Variants in MYO1E observed in about 807,000 individuals in gnomAD.
MYO1E encodes the protein myosin IE, also known as unconventional myosin-Ie.
MYO1E carries 68 observed loss-of-function variants against 151.1 expected under a neutral mutation model. The ratio of observed to expected loss-of-function variants is 0.45; its 90% CI spans 0.37 to 0.55. The LOEUF is 0.55. Among genes scored for constraint, MYO1E ranks in the 20% least tolerant of loss-of-function variants. MYO1E has a pLI of 0.00. For synonymous variants in MYO1E, 601 were observed against 501.7 expected, an observed-to-expected ratio of 1.20 and a Z score of -2.64; for missense variants, 1,363 against 1,389.3, an observed-to-expected ratio of 0.98 and a Z score of 0.30.
At chr15:59,259,836 C>T (rs2080214983) in intron 3 of MYO1E, among the ~76,000 whole-genome samples, 1 of 152,190 alleles carries the variant, frequency 6.6e-6, no homozygotes, top group Non-Finnish European at 1.5e-5. Flanking sequence ...TCTTCCCTCC[C>T]CTGAGACTCT....
chr15:59,326,431 G>A (rs1055378699), intron 1 of MYO1E, among the ~76,000 whole-genome samples: 8 of 152,158 alleles, frequency 5.3e-5, no homozygotes, highest in South Asian at 2.1e-4. Flanking sequence ...GCTGAGGCAC[G>A]GGAATTGCTT....
chr15:59,248,405 G>A (rs1472071571), intron 4 of MYO1E, among the ~76,000 whole-genome samples: 6 of 141,026 alleles, frequency 4.3e-5, no homozygotes, highest in Non-Finnish European at 7.6e-5. Context: ...AGAATCGCTT[G>A]AACCCGGGGG....
Position 59,159,434 on chromosome 15 carries a change from G to A in MYO1E, c.2786-1055C>T, listed in dbSNP as rs1482391030. ...CCAGGCCTCTGCCTTCCAGTGGGGT[G>A]AGGCCTATAGGCCAGGCCAACAGGA... On this transcript the variant is annotated intron_variant, in intron 24 of 27. Transcript: ENST00000288235. The surrounding 1 kb of genome is among the most constrained non-coding windows in gnomAD (Gnocchi z 4.4). Among the ~76,000 whole-genome samples the A allele has an allele frequency of 1.3e-5, 2 of 152,230 alleles. No homozygotes were observed. Among genetic ancestry groups the A allele is most frequent in the Non-Finnish European group, 2.9e-5 (2 of 68,040 alleles).
At chr15:59,259,885 CA>C (rs2080215387) in intron 3 of MYO1E, among the ~76,000 whole-genome samples, 3 of 152,142 alleles carry the variant, frequency 2.0e-5, no homozygotes, top group African/African-American at 7.2e-5. Context: ...CTAGCTCCAT[CA>C]CTCAGTAGAT....
intron 25 of MYO1E, among the ~76,000 whole-genome samples, chr15:59,157,592 A>C (rs560207524): frequency 9.5e-4 from 140 of 147,456 alleles, no homozygotes; most frequent in Non-Finnish European, 1.7e-3. Flanking sequence ...GTGCTACCCC[A>C]TCATCAGTCA....
At chr15:59,195,615 G>A in intron 16 of MYO1E, 48 bp from the exon 17 acceptor site, 1 of 1,509,220 alleles carries the variant, frequency 6.6e-7, no homozygotes, top group African/African-American at 1.4e-5. Context: ...CTCTAAAGAA[G>A]ACCAAATTTC....
At chr15:59,250,017 G>C (rs2080154716) in intron 4 of MYO1E, among the ~76,000 whole-genome samples, 1 of 152,010 alleles carries the variant, frequency 6.6e-6, no homozygotes, top group East Asian at 1.9e-4. Context: ...CCCAGGGTCA[G>C]GTGAGCATGA....
intron 4 of MYO1E, among the ~76,000 whole-genome samples, chr15:59,255,544 G>A (rs752807762): frequency 3.3e-5 from 5 of 152,002 alleles, no homozygotes; most frequent in Non-Finnish European, 5.9e-5. Flanking sequence ...AGAGGCGTGC[G>A]CCACCATGCC....
At chr15:59,352,765 C>A (rs979559887) in intron 1 of MYO1E, among the ~76,000 whole-genome samples, 1 of 152,124 alleles carries the variant, frequency 6.6e-6, no homozygotes, top group Admixed American at 6.5e-5. Flanking sequence ...GTTAAATTCA[C>A]GGAAGCATAC....
intron 2 of MYO1E, among the ~76,000 whole-genome samples, chr15:59,270,559 A>G (rs72746854): frequency 0.16 from 23,412 of 149,716 alleles, 2,247 homozygotes; most frequent in East Asian, 0.45. Context: ...AAAAAAAAAA[A>G]GAAAAGAAAA....
At chr15:59,314,717 C>T (rs1449574466) in intron 1 of MYO1E, among the ~76,000 whole-genome samples, 2 of 152,032 alleles carry the variant, frequency 1.3e-5, no homozygotes, top group Admixed American at 6.6e-5. Flanking sequence ...CTACTGGTAT[C>T]TAGTGAGTGG....
chr15:59,339,657 T>C (rs1211097577), intron 1 of MYO1E, among the ~76,000 whole-genome samples: 2 of 152,134 alleles, frequency 1.3e-5, no homozygotes, highest in Admixed American at 6.5e-5. Flanking sequence ...CTCGTTCCTA[T>C]AGTCAACTTC....
chr15:59,336,008 TC>T (rs1278969346), intron 1 of MYO1E, among the ~76,000 whole-genome samples: 1 of 141,384 alleles, frequency 7.1e-6, no homozygotes, highest in Non-Finnish European at 1.5e-5. Flanking sequence ...CTACCCCCTC[TC>T]CCACTACACC....
At chr15:59,259,335 G>A (rs114688986) in intron 3 of MYO1E, among the ~76,000 whole-genome samples, 1,579 of 152,266 alleles carry the variant, frequency 0.01, 28 homozygotes, top group African/African-American at 0.036. Context: ...TTAAAGTTTC[G>A]ATTATGTCAC....
rs781308525 is a variant in MYO1E at position 59,350,146 on chromosome 15, T to A, written c.3+22352A>T. On this transcript the variant is annotated intron_variant, in intron 1 of 27. Coordinates refer to ENST00000288235, the MANE Select transcript of MYO1E (RefSeq NM_004998.4). The surrounding 1 kb of genome is among the most constrained non-coding windows in gnomAD (Gnocchi z 5.0). ...ATGGAAGCTATTCTTACTTCATTTT[T>A]TAACAAATGAAACTGAAGTACAGTT... Among the ~76,000 whole-genome samples, 3 of 152,264 alleles carry A rather than the reference T, an allele frequency of 2.0e-5. No individual in the cohort carries two copies. The highest frequency in any genetic ancestry group is 4.4e-5 in the Non-Finnish European group (3 of 68,044).
intron 1 of MYO1E, among the ~76,000 whole-genome samples, chr15:59,312,518 T>C (rs1273008155): frequency 6.6e-6 from 1 of 152,128 alleles, no homozygotes; most frequent in Non-Finnish European, 1.5e-5. Context: ...TCTTTGTTTT[T>C]TAAGAGACAG....
intron 1 of MYO1E, among the ~76,000 whole-genome samples, chr15:59,288,414 C>T (rs540090188): frequency 6.6e-6 from 1 of 152,186 alleles, no homozygotes; most frequent in South Asian, 2.1e-4. Context: ...TGGGTTCAAG[C>T]GATCTTCCTG....
At chr15:59,291,067 A>G (rs1441176953) in intron 1 of MYO1E, among the ~76,000 whole-genome samples, 1 of 152,230 alleles carries the variant, frequency 6.6e-6, no homozygotes, top group East Asian at 1.9e-4. Flanking sequence ...CACCACCTCA[A>G]ACAGAGCGTT....
chr15:59,262,873 T>C (rs2080232201), intron 2 of MYO1E, among the ~76,000 whole-genome samples: 1 of 152,176 alleles, frequency 6.6e-6, no homozygotes, highest in South Asian at 2.1e-4. Context: ...CAATTATTCA[T>C]TCAACAATCA....
Sources: allele counts gnomAD v4.1 joint callset (sites outside exome capture counted in the v4.1 genomes callset), GRCh38; gene constraint gnomAD v4.1.1; non-coding constraint Gnocchi (gnomAD v3.1); transcripts MANE v1.5; gene names NCBI Gene and HGNC (gene_info 2026-07-23, HGNC 2026-07-21).